ADGRG2: variants seen among roughly 807,000 people sequenced by gnomAD.
ADGRG2 encodes the protein G protein-coupled receptor 64.
A neutral mutation model predicts 74.1 loss-of-function variants in ADGRG2; 26 were observed. The ratio of observed to expected loss-of-function variants is 0.35; its 90% CI spans 0.26 to 0.49. ADGRG2 has a LOEUF of 0.49. Ranked by LOEUF, ADGRG2 falls within the 20% of genes least tolerant of loss-of-function variation. ADGRG2 has a pLI of 0.99. For synonymous variants in ADGRG2, 296 were observed against 295.2 expected, an observed-to-expected ratio of 1.00 and a Z score of -0.03; for missense variants, 619 against 763.1, an observed-to-expected ratio of 0.81 and a Z score of 2.22.
rs753256188 is a variant in ADGRG2, at chrX:19,003,255, C to T, written c.1962-141G>A. On this transcript the variant is annotated intron_variant, in intron 23 of 28. Transcript: ENST00000379869. ...TCTCAGGTCACTGCAACCTCTGCCT[C>T]CTGGGCTCAAGCGATCTTCCCACCT... The T allele has an allele frequency of 1.3e-5, 6 of 464,881 alleles. No individual in the cohort carries two copies. The East Asian group carries it at 2.2e-4, about 17-fold the overall frequency. The allele number at this position is 464,881 out of a possible 1,213,427, so 38.3% of individuals were successfully genotyped here.
chrX:19,004,856 C>A lies in ADGRG2; in HGVS notation c.1863G>T (p.Leu621=). The A allele has an allele frequency of 8.4e-7, 1 of 1,197,222 alleles. No individual in the cohort carries two copies. The highest frequency in any genetic ancestry group is 1.1e-6 in the Non-Finnish European group (1 of 883,733). Residue 621 remains leucine, a synonymous_variant, in exon 23 of 29, where the codon CTG becomes CTT. Transcript: ENST00000379869. ...VLLDLSRTSV[L]PAQMMALTFI... is the part of the protein sequence containing the mutation. ...ACGTCAGAGCCATCATTTGAGCAGG[C>A]AGCACAGATGTCCTAGATAGGTCCT...
At chrX:19,029,883 T>C (rs1391445509) in intron 9 of ADGRG2, among the ~76,000 whole-genome samples, 1 of 111,192 alleles carries the variant, frequency 9.0e-6, no homozygotes. Context: ...AAGAGAGTTA[T>C]ACAATATACG....
intron 8 of ADGRG2, chrX:19,031,308 A>G: frequency 3.0e-6 from 1 of 337,650 alleles, no homozygotes; most frequent in Non-Finnish European, 5.2e-6. Context: ...CCCCTTCCCA[A>G]TTAATCCCTC....
upstream of ADGRG2, chrX:19,122,667 G>A (rs2062631420): frequency 9.1e-6 from 1 of 110,262 alleles, no homozygotes; most frequent in Non-Finnish European, 1.9e-5. Flanking sequence ...GGCGCGGAGG[G>A]AGGAGGGGGA....
At chrX:19,003,144 G>A (rs750992628) in intron 23 of ADGRG2, 30 bp from the exon 24 acceptor site, 5 of 1,139,793 alleles carry the variant, frequency 4.4e-6, no homozygotes, top group Non-Finnish European at 6.0e-6. Flanking sequence ...ACAAGAATGA[G>A]CATTCTACTC....
intron 9 of ADGRG2, among the ~76,000 whole-genome samples, chrX:19,028,797 C>G (rs1437179143): frequency 8.9e-6 from 1 of 111,913 alleles, no homozygotes; most frequent in East Asian, 2.8e-4. Flanking sequence ...GCAAACTGGC[C>G]TTGTGAGCAA....
At chrX:19,106,493 T>TTG (rs199616929) in intron 1 of ADGRG2, among the ~76,000 whole-genome samples, 14,060 of 106,680 alleles carry the variant, frequency 0.13, 852 homozygotes, top group African/African-American at 0.22. Flanking sequence ...TAGTGTGTGT[T>TTG]TGTGTGTGTG....
intron 2 of ADGRG2, among the ~76,000 whole-genome samples, chrX:19,081,502 G>A (rs1402573827): frequency 9.0e-6 from 1 of 111,393 alleles, no homozygotes; most frequent in Non-Finnish European, 1.9e-5. Context: ...CCCTCGCCAG[G>A]ATTCTGTGCC....
At chrX:19,031,092 G>A (rs2060815336) in intron 8 of ADGRG2, 55 bp from the exon 9 acceptor site, 1 of 828,147 alleles carries the variant, frequency 1.2e-6, no homozygotes, top group African/African-American at 2.0e-5. Flanking sequence ...GTGTTTATGT[G>A]CTGCATTGTC....
intron 10 of ADGRG2, among the ~76,000 whole-genome samples, chrX:19,027,683 T>C (rs1041413372): frequency 2.7e-5 from 3 of 112,294 alleles, no homozygotes; most frequent in Non-Finnish European, 5.6e-5. Context: ...CAGCCATTGC[T>C]GTATTTCTAG....
intron 3 of ADGRG2, among the ~76,000 whole-genome samples, chrX:19,050,511 A>C: frequency 9.1e-6 from 1 of 110,177 alleles, no homozygotes; most frequent in East Asian, 2.9e-4. Flanking sequence ...CCTTTGATTG[A>C]CTCCTGTACA....
intron 15 of ADGRG2, among the ~76,000 whole-genome samples, chrX:19,016,801 C>T (rs2060480979): frequency 9.5e-6 from 1 of 105,302 alleles, no homozygotes; most frequent in African/African-American, 3.4e-5. Context: ...TCATGACTCA[C>T]TGCAGCCTCC....
At chrX:19,009,859 G>A in intron 17 of ADGRG2, 77 bp from the exon 18 acceptor site, 1 of 818,633 alleles carries the variant, frequency 1.2e-6, no homozygotes, top group Non-Finnish European at 1.7e-6. Flanking sequence ...TTGCCAGGCT[G>A]GGGTGCAGTG....
intron 1 of ADGRG2, among the ~76,000 whole-genome samples, chrX:19,118,124 A>C (rs2062555628): frequency 8.9e-6 from 1 of 111,859 alleles, no homozygotes; most frequent in African/African-American, 3.2e-5. Flanking sequence ...ATTATCCTAC[A>C]GGGAAGCCTA....
chrX:19,042,777 G>A lies in ADGRG2; in HGVS notation c.119-2553C>T, dbSNP rs769207712. The stretch of plus-strand genomic sequence containing the variant: ...AGGCCGAGGTGGGAGGATCACTTGA[G>A]GCCAGGAGTTCGAGACCAGCCTGGC... On this transcript the variant is annotated intron_variant, in intron 3 of 28. Coordinates refer to ENST00000379869, the MANE Select transcript of ADGRG2 (RefSeq NM_001079858.3). Among the ~76,000 whole-genome samples, 5 of 111,149 alleles carry A rather than the reference G, an allele frequency of 4.5e-5. No homozygotes were observed. The South Asian group carries it at 1.9e-3, about 43-fold the overall frequency.
In ADGRG2 at chrX:19,010,756, A is replaced by G. The variant is rs1361811839; in HGVS notation, c.1122T>C (p.Ile374=). The G allele has an allele frequency of 8.3e-6, 10 of 1,200,352 alleles. No homozygotes were observed. The African/African-American group carries it at 1.8e-4, about 21-fold the overall frequency. The stretch of plus-strand genomic sequence containing the variant: ...GCAACACTTGGTTCTCAAGATCAGA[A>G]ATACTGCTGGTGTTGACGATGTCTA... ...VQTDIVNTSS[I]SDLENQVLQM... is the part of the protein sequence containing the mutation. The change falls in exon 17 of 29, where the codon ATT becomes ATC. Residue 374 remains isoleucine, a synonymous_variant. Coordinates refer to ENST00000379869, the MANE Select transcript of ADGRG2 (RefSeq NM_001079858.3).
rs112321425 is a variant in ADGRG2, at chrX:19,021,298, C to G, written c.549-100G>C. 2,475 of 529,116 alleles carry G rather than the reference C, an allele frequency of 4.7e-3. 39 individuals are homozygous for G. Among genetic ancestry groups the G allele is most frequent in the African/African-American group, 0.047 (2,041 of 43,856 alleles). The allele number at this position is 529,116 out of a possible 1,213,427, so 43.6% of individuals were successfully genotyped here. A position where few individuals can be genotyped will look rare whatever the true frequency, so the allele number is the denominator to read the frequency against. ...AAACTTAGAGTGAGGAAAGGGGACACTGATACTGTTAACTTGTGATGTCAC... is the reference window on the plus strand; with the variant it reads ...AAACTTAGAGTGAGGAAAGGGGACAGTGATACTGTTAACTTGTGATGTCAC... On this transcript the variant is annotated intron_variant, in intron 13 of 28. Coordinates refer to ENST00000379869, the MANE Select transcript of ADGRG2 (RefSeq NM_001079858.3).
At chrX:19,109,586 G>A (rs1222366993) in intron 1 of ADGRG2, among the ~76,000 whole-genome samples, 4 of 111,387 alleles carry the variant, frequency 3.6e-5, no homozygotes, top group Middle Eastern at 4.2e-3. Context: ...TAACACACAC[G>A]GCTTATCACT....
intron 14 of ADGRG2, among the ~76,000 whole-genome samples, chrX:19,020,871 A>G (rs1418251950): frequency 9.1e-6 from 1 of 110,441 alleles, no homozygotes; most frequent in East Asian, 2.8e-4. Flanking sequence ...CTAAGGTGGG[A>G]GAATCACCTG....
Sources: gnomAD v4.1 joint callset for allele counts (sites outside exome capture counted in the v4.1 genomes callset) on GRCh38, gnomAD v4.1.1 for gene constraint, MANE v1.5 for transcripts, NCBI Gene and HGNC (gene_info 2026-07-23, HGNC 2026-07-21) for gene names.